Variants in UBXN4 observed in about 807,000 individuals in gnomAD.
UBXN4 encodes the protein UBX domain-containing protein 4.
A neutral mutation model predicts 66.2 loss-of-function variants in UBXN4; 35 were observed. That is an observed-to-expected ratio of 0.53 (90% CI 0.40 to 0.70). UBXN4 has a LOEUF of 0.70. UBXN4 is among the 30% of genes least tolerant of loss of function. The pLI, the probability that UBXN4 is intolerant of heterozygous loss-of-function variation, is 0.00. For missense variants in UBXN4, 533 were observed against 599.8 expected, an observed-to-expected ratio of 0.89 and a Z score of 1.16; for synonymous variants, 203 against 204.5, an observed-to-expected ratio of 0.99 and a Z score of 0.06.
In UBXN4 at chr2:135,779,061, T is replaced by G. The variant is rs2077434893; in HGVS notation, c.1167T>G (p.Ala389=). The G allele has an allele frequency of 1.2e-6, 2 of 1,613,074 alleles. No homozygotes were observed. Among genetic ancestry groups the G allele is most frequent in the African/African-American group, 2.7e-5 (2 of 74,918 alleles). ...KLLDLELAPS[A]SVVLLPAGRP... ...TGGATTTGGAACTTGCCCCAAGCGC[T>G]TCGGTGGTACTGTTGCCAGTATGTA... Residue 389 remains alanine (A), a synonymous_variant, in exon 11 of 13, where the codon GCT becomes GCG. Coordinates refer to ENST00000272638, the MANE Select transcript of UBXN4 (RefSeq NM_014607.4).
intron 5 of UBXN4, among the ~76,000 whole-genome samples, chr2:135,756,530 C>T (rs1049382902): frequency 2.0e-5 from 3 of 152,122 alleles, no homozygotes; most frequent in Admixed American, 1.3e-4. Context: ...TGAAATACAG[C>T]TATTTGTCTC....
intron 6 of UBXN4, 46 bp downstream of exon 6, chr2:135,761,957 G>C: frequency 2.6e-6 from 4 of 1,537,080 alleles, no homozygotes; most frequent in Non-Finnish European, 3.5e-6. Context: ...AAAAGACAGT[G>C]GTTTTCAGTT....
chr2:135,778,976 C>G lies in UBXN4; in HGVS notation c.1082C>G (p.Ser361Trp). The G allele has an allele frequency of 2.5e-6, 4 of 1,611,746 alleles. No individual in the cohort carries two copies. Among genetic ancestry groups the G allele is most frequent in the Non-Finnish European group, 3.4e-6 (4 of 1,179,140 alleles). Residue 361 changes from serine (S) to tryptophan (W), a missense_variant, in exon 11 of 13, where the codon TCG (serine) becomes TGG (tryptophan). Physicochemically the swap from Ser to Trp is radical, Grantham distance 177 (BLOSUM62 -3). Transcript: ENST00000272638. ...GTTGGCAACACTTACGGTAATTTTT[C>G]GTTAGCAACCATGTTTCCCAGGAGG... ...QTVGNTYGNF[S>W]LATMFPRREF...
rs2077414689 is a variant in UBXN4 at position 135,776,364 on chromosome 2, CTT to C, written c.1053+14_1053+15del. 1 of 1,597,844 alleles carries C rather than the reference CTT, an allele frequency of 6.3e-7. No individual in the cohort carries two copies. Among genetic ancestry groups the C allele is most frequent in the African/African-American group, 1.3e-5 (1 of 74,290 alleles). The stretch of plus-strand genomic sequence containing the variant: ...GTTTGCTGCACAGGTAAATTTATGT[CTT>C]GAGTTGTAGTAAAAATAGATGTGTA... On this transcript the variant is annotated intron_variant, in intron 10 of 12. Transcript: ENST00000272638.
intron 2 of UBXN4, 60 bp downstream of exon 2, chr2:135,748,429 A>C (rs1165296427): frequency 1.6e-6 from 2 of 1,242,424 alleles, no homozygotes; most frequent in Non-Finnish European, 2.2e-6. Context: ...TCTTTGATTT[A>C]TAGTGATACT....
intron 5 of UBXN4, among the ~76,000 whole-genome samples, chr2:135,760,786 T>A (rs2077310548): frequency 6.6e-6 from 1 of 152,226 alleles, no homozygotes; most frequent in Admixed American, 6.5e-5. Flanking sequence ...TGGTAAACAT[T>A]TATCAGAAGG....
At chr2:135,761,762 C>A in intron 5 of UBXN4, 56 bp from the exon 6 acceptor site, 1 of 1,385,674 alleles carries the variant, frequency 7.2e-7, no homozygotes, top group South Asian at 1.4e-5. Flanking sequence ...AGATTTATTC[C>A]TTTAAAAAGT....
At chr2:135,777,230 T>C (rs906857180) in intron 10 of UBXN4, among the ~76,000 whole-genome samples, 1 of 152,242 alleles carries the variant, frequency 6.6e-6, no homozygotes, top group Non-Finnish European at 1.5e-5. Flanking sequence ...TGATTCCTTA[T>C]TCAAAACGGA....
intron 5 of UBXN4, among the ~76,000 whole-genome samples, chr2:135,759,897 TAGC>T (rs1490016974): frequency 6.7e-6 from 1 of 150,010 alleles, no homozygotes; most frequent in Non-Finnish European, 1.5e-5. Flanking sequence ...GCCTTCCAAG[TAGC>T]CGGGATTATA....
Position 135,741,921 on chromosome 2 carries a change from AAGGG to A in UBXN4, c.-6_-3del. ...CACACCGAGCGAGCGCCTGGGCCCG[AAGGG>A]AGCGATGCTGTGGTTCCAGGGCGCC... On this transcript the variant is annotated 5_prime_UTR_variant, in exon 1 of 13. Coordinates refer to ENST00000272638, the MANE Select transcript of UBXN4 (RefSeq NM_014607.4). 2.5e-6 allele frequency: 4 copies of A among 1,610,780 alleles called. No homozygotes were observed. Among genetic ancestry groups the A allele is most frequent in the Non-Finnish European group, 3.4e-6 (4 of 1,178,768 alleles).
intron 6 of UBXN4, among the ~76,000 whole-genome samples, chr2:135,766,202 A>G (rs1423520482): frequency 6.6e-6 from 1 of 152,064 alleles, no homozygotes; most frequent in Non-Finnish European, 1.5e-5. Flanking sequence ...TGGAACAGTC[A>G]ATTTGTTATT....
chr2:135,743,838 T>C (rs755811511), intron 1 of UBXN4, among the ~76,000 whole-genome samples: 4 of 148,210 alleles, frequency 2.7e-5, no homozygotes, highest in Non-Finnish European at 6.0e-5. Flanking sequence ...AATAAAGTTA[T>C]AGGTCTTGCC....
rs111798914 is a variant in UBXN4, at chr2:135,741,888, G to T, written c.-42G>T. On this transcript the variant is annotated 5_prime_UTR_variant, in exon 1 of 13. Coordinates refer to ENST00000272638, the MANE Select transcript of UBXN4 (RefSeq NM_014607.4). ...AGGGCGGAGCCGGCTTCGGGACTGC[G>T]GAGACTACACACCGAGCGAGCGCCT... 1.3e-6 allele frequency: 2 copies of T among 1,588,272 alleles called. No homozygotes were observed. The highest frequency in any genetic ancestry group is 1.8e-5 in the Admixed American group (1 of 56,650).
In UBXN4 at chr2:135,744,837, C is replaced by T. The variant is rs890366663; in HGVS notation, c.82+2826C>T. Among the ~76,000 whole-genome samples, 35 of 152,182 alleles carry T rather than the reference C, an allele frequency of 2.3e-4. 1 individual carries two copies. Among genetic ancestry groups the T allele is most frequent in the African/African-American group, 8.4e-4 (35 of 41,514 alleles). On this transcript the variant is annotated intron_variant, in intron 1 of 12. Coordinates refer to ENST00000272638, the MANE Select transcript of UBXN4 (RefSeq NM_014607.4). ...ATACCAGAGTTAGCAATCAGTCATC[C>T]CACTCAGTAGTATTAGGAAAGTTGT...
intron 4 of UBXN4, among the ~76,000 whole-genome samples, chr2:135,755,059 C>T (rs1442647577): frequency 2.0e-5 from 3 of 152,240 alleles, no homozygotes; most frequent in Non-Finnish European, 4.4e-5. Flanking sequence ...GCTGGGATTA[C>T]AGGCATGAGC....
chr2:135,748,163 A>T, intron 1 of UBXN4, 104 bp from the exon 2 acceptor site: 1 of 786,830 alleles, frequency 1.3e-6, no homozygotes, highest in Non-Finnish European at 1.9e-6. Context: ...AGAAAGTGGT[A>T]TAGGTGGGAT....
At chr2:135,756,905 T>C (rs1208646430) in intron 5 of UBXN4, among the ~76,000 whole-genome samples, 1 of 152,234 alleles carries the variant, frequency 6.6e-6, no homozygotes, top group Non-Finnish European at 1.5e-5. Flanking sequence ...CATAGTGTTC[T>C]AATGAGAAGT....
intron 5 of UBXN4, among the ~76,000 whole-genome samples, chr2:135,757,145 C>T (rs2077282990): frequency 6.6e-6 from 1 of 152,272 alleles, no homozygotes; most frequent in South Asian, 2.1e-4. Flanking sequence ...GAATGAATTA[C>T]ATGTATATTA....
chr2:135,774,619 C>T (rs1224897249), intron 9 of UBXN4, among the ~76,000 whole-genome samples: 4 of 152,050 alleles, frequency 2.6e-5, no homozygotes, highest in South Asian at 2.1e-4. Context: ...CTGAGGCAGG[C>T]GGATCACTTA....
Sources: gnomAD v4.1 joint callset for allele counts (sites outside exome capture counted in the v4.1 genomes callset) on GRCh38, gnomAD v4.1.1 for gene constraint, MANE v1.5 for transcripts, NCBI Gene and HGNC (gene_info 2026-07-23, HGNC 2026-07-21) for gene names.